The following RALGAPA2 variants were observed in gnomAD, a reference collection of about 807,000 sequenced individuals.
RALGAPA2 encodes Ral GTPase activating protein catalytic subunit alpha 2, also known as ral GTPase-activating protein subunit alpha-2.
In RALGAPA2, 139 loss-of-function variants were observed where a neutral mutation model predicts 230.4. The observed-to-expected ratio is 0.60, with a 90% CI of 0.53 to 0.69. The LOEUF (loss-of-function observed/expected upper bound fraction) is 0.69, where lower values mean the gene tolerates loss of function less well. RALGAPA2 is among the 30% of genes least tolerant of loss of function. RALGAPA2 has a pLI of 0.00. For missense variants in RALGAPA2, 2,163 were observed against 2,276.0 expected (o/e 0.95, Z 1.01); for synonymous variants, 847 against 837.8 (o/e 1.01, Z -0.19).
At chr20:20,701,183 A>C (rs1278148969) in intron 1 of RALGAPA2, among the ~76,000 whole-genome samples, 1 of 152,232 alleles carries the variant, frequency 6.6e-6, no homozygotes, top group Non-Finnish European at 1.5e-5. Context: ...AACCTTGAAC[A>C]AGGTTCTTAA....
intron 1 of RALGAPA2, among the ~76,000 whole-genome samples, chr20:20,703,588 T>C (rs2069479268): frequency 6.6e-6 from 1 of 152,238 alleles, no homozygotes; most frequent in South Asian, 2.1e-4. Flanking sequence ...CTTAAGGTAG[T>C]AATTTGATTA....
At chr20:20,633,968 A>C (rs2066771583) in intron 9 of RALGAPA2, among the ~76,000 whole-genome samples, 1 of 152,204 alleles carries the variant, frequency 6.6e-6, no homozygotes, top group Non-Finnish European at 1.5e-5. Context: ...AAGAGATTGC[A>C]GGATTGCAGA....
At chr20:20,617,266 A>G (rs1194786908) in intron 12 of RALGAPA2, among the ~76,000 whole-genome samples, 1 of 152,214 alleles carries the variant, frequency 6.6e-6, no homozygotes, top group Non-Finnish European at 1.5e-5. Context: ...ATTAACATCA[A>G]AAGTCAAGTG....
chr20:20,521,273 C>G (rs889451242), intron 30 of RALGAPA2, among the ~76,000 whole-genome samples, 173 bp from the exon 31 acceptor site: 8 of 152,176 alleles, frequency 5.3e-5, no homozygotes, highest in African/African-American at 1.9e-4. Flanking sequence ...TTGCTCCTTT[C>G]ATATCAATGC....
chr20:20,491,375 C>T (rs528805338), intron 36 of RALGAPA2, among the ~76,000 whole-genome samples: 5 of 152,208 alleles, frequency 3.3e-5, no homozygotes, highest in African/African-American at 1.2e-4. Context: ...CCTCTTGTCT[C>T]AACTGCTCCT....
Position 20,398,414 on chromosome 20 carries a change from G to GA in RALGAPA2, c.5618-1681dup, listed in dbSNP as rs2059763455. On this transcript the variant is annotated intron_variant, in intron 38 of 39. Coordinates refer to ENST00000202677, the MANE Select transcript of RALGAPA2 (RefSeq NM_020343.4). This position sits in a 1 kb window ranked among gnomAD's most constrained non-coding sequence, Gnocchi z 4.5. Reference sequence around the variant, plus strand: ...CTGGTGTGGTGTGCTGGACCACAAAGAATGTCTCAGTAACTGCCAATCCAT... The same window carrying GA: ...CTGGTGTGGTGTGCTGGACCACAAAGAAATGTCTCAGTAACTGCCAATCCAT... 6.6e-6 allele frequency among the ~76,000 whole-genome samples: 1 copy of GA among 152,218 alleles called. No individual in the cohort carries two copies. The highest frequency in any genetic ancestry group is 2.4e-5 in the African/African-American group (1 of 41,448).
At chr20:20,628,066 T>A (rs2066546835) in intron 10 of RALGAPA2, among the ~76,000 whole-genome samples, 1 of 152,178 alleles carries the variant, frequency 6.6e-6, no homozygotes, top group African/African-American at 2.4e-5. Context: ...AAAAAAATAT[T>A]TTATAAGTGG....
chr20:20,614,810 C>A (rs1164539658), intron 13 of RALGAPA2, among the ~76,000 whole-genome samples: 1 of 152,190 alleles, frequency 6.6e-6, no homozygotes, highest in East Asian at 1.9e-4. Context: ...CTTTCCAAAG[C>A]CCCTTTCCTG....
At chr20:20,651,578 G>A (rs1466338681) in intron 4 of RALGAPA2, among the ~76,000 whole-genome samples, 1 of 152,136 alleles carries the variant, frequency 6.6e-6, no homozygotes, top group Non-Finnish European at 1.5e-5. Context: ...AAAGCTACTT[G>A]TACCAGCAAT....
chr20:20,596,012 T>C (rs970812764), intron 16 of RALGAPA2, among the ~76,000 whole-genome samples: 5 of 152,012 alleles, frequency 3.3e-5, no homozygotes, highest in Middle Eastern at 3.4e-3. Context: ...TGGAAAGAAC[T>C]GTTCTCACGA....
At chr20:20,567,308 T>G (rs2064463149) in intron 23 of RALGAPA2, among the ~76,000 whole-genome samples, 1 of 152,264 alleles carries the variant, frequency 6.6e-6, no homozygotes, top group South Asian at 2.1e-4. Context: ...GGTTCTTTCA[T>G]GTCAAACTAT....
At chr20:20,423,450 TC>T (rs2060319819) in intron 37 of RALGAPA2, among the ~76,000 whole-genome samples, 1 of 152,152 alleles carries the variant, frequency 6.6e-6, no homozygotes, top group East Asian at 1.9e-4. Context: ...GACAGCCATT[TC>T]CCAGATCCTA....
Position 20,712,576 on chromosome 20 carries a change from G to C in RALGAPA2, c.-96C>G, listed in dbSNP as rs2069933759. The C allele has an allele frequency of 1.6e-6, 2 of 1,274,120 alleles. No homozygotes were observed. The highest frequency in any genetic ancestry group is 8.8e-5 in the Admixed American group (2 of 22,654). 78.9% of individuals were successfully genotyped at this position (1,274,120 alleles called of 1,614,324 possible). On this transcript the variant is annotated 5_prime_UTR_variant, in exon 1 of 40. Transcript: ENST00000202677. The surrounding 1 kb of genome is among the most constrained non-coding windows in gnomAD (Gnocchi z 5.5). Reference sequence around the variant, plus strand: ...GTCGAGGCCGGCGCGTGTCGCGCGGGCCACTCGCCGCCCCCAGCCCCGCTG... The same window carrying C: ...GTCGAGGCCGGCGCGTGTCGCGCGGCCCACTCGCCGCCCCCAGCCCCGCTG...
At chr20:20,527,789 G>T (rs910552819) in intron 27 of RALGAPA2, among the ~76,000 whole-genome samples, 2 of 152,196 alleles carry the variant, frequency 1.3e-5, no homozygotes, top group African/African-American at 4.8e-5. Context: ...GATGTGCGTG[G>T]TGTGCCTAAG....
At chr20:20,505,572 T>C (rs766118239) in intron 33 of RALGAPA2, 38 bp from the exon 34 acceptor site, 3 of 1,487,456 alleles carry the variant, frequency 2.0e-6, no homozygotes, top group Middle Eastern at 1.8e-4. Flanking sequence ...AGAATTCTTA[T>C]ATGTAAAATT....
At chr20:20,456,623 T>A (rs1002305274) in intron 37 of RALGAPA2, among the ~76,000 whole-genome samples, 3 of 152,244 alleles carry the variant, frequency 2.0e-5, no homozygotes, top group African/African-American at 7.2e-5. Flanking sequence ...GCCTGACTGC[T>A]GCGAGAAGAC....
chr20:20,410,203 C>T (rs530044417), intron 38 of RALGAPA2, among the ~76,000 whole-genome samples: 19 of 152,318 alleles, frequency 1.2e-4, no homozygotes, highest in Admixed American at 1.2e-3. Context: ...ACTCAAATTG[C>T]TCCTAGAATC....
At chr20:20,653,361 T>G (rs2067476670) in intron 4 of RALGAPA2, among the ~76,000 whole-genome samples, 169 bp downstream of exon 4, 1 of 152,110 alleles carries the variant, frequency 6.6e-6, no homozygotes, top group Admixed American at 6.5e-5. Flanking sequence ...GAGACATATT[T>G]GTCTCCAAAG....
intron 24 of RALGAPA2, among the ~76,000 whole-genome samples, chr20:20,545,261 T>C (rs1036258504): frequency 1.3e-5 from 2 of 152,074 alleles, no homozygotes; most frequent in African/African-American, 4.8e-5. Context: ...GGGGTCTTGT[T>C]ATGCTGCCCA....
Sources: allele counts gnomAD v4.1 joint callset (sites outside exome capture counted in the v4.1 genomes callset), GRCh38; gene constraint gnomAD v4.1.1; non-coding constraint Gnocchi (gnomAD v3.1); transcripts MANE v1.5; gene names NCBI Gene and HGNC (gene_info 2026-07-23, HGNC 2026-07-21).